The following CSNK1E variants were observed in gnomAD, a reference collection of about 807,000 sequenced individuals.
CSNK1E encodes casein kinase I isoform epsilon.
In CSNK1E, 17 loss-of-function variants were observed where a neutral mutation model predicts 46.1. The observed-to-expected ratio is 0.37, with a 90% CI of 0.25 to 0.55. CSNK1E has a LOEUF of 0.55. CSNK1E is among the 20% of genes least tolerant of loss of function. The pLI is 0.82. For missense variants in CSNK1E, 386 were observed against 595.4 expected, an observed-to-expected ratio of 0.65 and a Z score of 3.66; for synonymous variants, 241 against 242.6, an observed-to-expected ratio of 0.99 and a Z score of 0.06.
intron 2 of CSNK1E, among the ~76,000 whole-genome samples, chr22:38,305,463 CA>C (rs3041808): frequency 1.4e-4 from 3 of 21,424 alleles, no homozygotes; most frequent in Admixed American, 5.2e-4. Flanking sequence ...CCTTCCTCTC[CA>C]AAAAAAAAAG....
chr22:38,298,342 G>C lies in CSNK1E; in HGVS notation c.885+444C>G, dbSNP rs2092652220. 6 of 561,060 alleles carry C rather than the reference G, an allele frequency of 1.1e-5. No homozygotes were observed. Among genetic ancestry groups the C allele is most frequent in the Non-Finnish European group, 1.6e-5 (6 of 365,134 alleles). The allele number at this position is 561,060 out of a possible 1,614,324, so 34.8% of individuals were successfully genotyped here. A position where few individuals can be genotyped will look rare whatever the true frequency, so the allele number is the denominator to read the frequency against. On this transcript the variant is annotated intron_variant, in intron 7 of 10. Coordinates refer to ENST00000396832, the MANE Select transcript of CSNK1E (RefSeq NM_152221.3). The surrounding 1 kb of genome is among the most constrained non-coding windows in gnomAD (Gnocchi z 4.2). ...GGGAAACAGAACAACTGCCTAGCCA[G>C]ACCCAGGGGCCCATGACCAAGAAGA...
At position 38,297,584 on chromosome 22, in the gene CSNK1E, G is replaced by GA; in HGVS notation, c.885+1201dup. ...GCAGGGTGGCTGAGGGCCCTGCCAT[G>GA]AAAGAGGCACACCAGGATGAAGCAA... On this transcript the variant is annotated intron_variant, in intron 7 of 10. Transcript: ENST00000396832. 3.0e-6 allele frequency: 3 copies of GA among 1,000,168 alleles called. No individual in the cohort carries two copies. In the South Asian group the frequency reaches 1.3e-4, roughly 44 times the overall value. 62.0% of individuals were successfully genotyped at this position (1,000,168 alleles called of 1,614,324 possible). A position where few individuals can be genotyped will look rare whatever the true frequency, so the allele number is the denominator to read the frequency against.
At chr22:38,292,905 G>A (rs1010426953) in intron 10 of CSNK1E, 1 of 318,298 alleles carries the variant, frequency 3.1e-6, no homozygotes, top group African/African-American at 2.2e-5. Context: ...CAGGGCTAAT[G>A]CCGTGGGAGA....
Position 38,300,630 on chromosome 22 carries a change from G to A in CSNK1E, c.565+94C>T. ...CTTTCTCACTAGAAAAGAGCCTGGG[G>A]GCCTCCATCAGGGTAGGGGGTGAGA... On this transcript the variant is annotated intron_variant, in intron 5 of 10. Coordinates refer to ENST00000396832, the MANE Select transcript of CSNK1E (RefSeq NM_152221.3). This position sits in a 1 kb window ranked among gnomAD's most constrained non-coding sequence, Gnocchi z 4.4. The A allele has an allele frequency of 2.5e-6, 3 of 1,199,306 alleles. No homozygotes were observed. The highest frequency in any genetic ancestry group is 1.4e-5 in the South Asian group (1 of 71,136). 74.3% of individuals were successfully genotyped at this position (1,199,306 alleles called of 1,614,324 possible).
chr22:38,311,792 G>A (rs1005112948), intron 2 of CSNK1E, among the ~76,000 whole-genome samples: 18 of 151,030 alleles, frequency 1.2e-4, no homozygotes, highest in Non-Finnish European at 2.4e-4. Context: ...CCACATCTCA[G>A]CCCTTTTCTT....
At chr22:38,304,803 C>T (rs771802468) in intron 2 of CSNK1E, among the ~76,000 whole-genome samples, 3 of 152,152 alleles carry the variant, frequency 2.0e-5, no homozygotes, top group East Asian at 3.8e-4. Context: ...TACCGATACA[C>T]GCTACGACAC....
chr22:38,303,598 GGTCT>G lies in CSNK1E; in HGVS notation c.77-354_77-351del, dbSNP rs1390201051. On this transcript the variant is annotated intron_variant, in intron 2 of 10. Transcript: ENST00000396832. The surrounding 1 kb of genome is among the most constrained non-coding windows in gnomAD (Gnocchi z 4.7). ...GTCCTAGAGCAAATTCAGGCAGTGA[GGTCT>G]GTCGGGTTGAGATGGTGGCACGTGC... is the stretch of plus-strand genomic sequence containing the variant. 2.0e-5 allele frequency among the ~76,000 whole-genome samples: 3 copies of G among 152,220 alleles called. No individual in the cohort carries two copies. The highest frequency in any genetic ancestry group is 7.2e-5 in the African/African-American group (3 of 41,444).
intron 10 of CSNK1E, chr22:38,292,891 G>T: frequency 7.2e-6 from 2 of 279,246 alleles, no homozygotes; most frequent in South Asian, 7.5e-5. Context: ...CCCAGAGGCT[G>T]AGACAGGGCT....
At chr22:38,304,759 G>T (rs2092690317) in intron 2 of CSNK1E, among the ~76,000 whole-genome samples, 1 of 152,154 alleles carries the variant, frequency 6.6e-6, no homozygotes, top group Non-Finnish European at 1.5e-5. Context: ...CCTCCATGCG[G>T]CGGAATATTA....
intron 2 of CSNK1E, among the ~76,000 whole-genome samples, chr22:38,305,377 T>C (rs2092693804): frequency 6.6e-6 from 1 of 150,674 alleles, no homozygotes; most frequent in Non-Finnish European, 1.5e-5. Flanking sequence ...CCTTATAGCC[T>C]TGGGGTTAGG....
chr22:38,316,167 T>C (rs1166278322), intron 1 of CSNK1E, among the ~76,000 whole-genome samples: 2 of 151,952 alleles, frequency 1.3e-5, no homozygotes, highest in African/African-American at 4.8e-5. Flanking sequence ...TTTCAGCAGG[T>C]TAAAAAAATT....
rs2092627850 is a variant in CSNK1E at position 38,294,282 on chromosome 22, G to A, written c.1079-34C>T. The A allele has an allele frequency of 6.2e-7, 1 of 1,604,282 alleles. No individual in the cohort carries two copies. The highest frequency in any genetic ancestry group is 1.3e-5 in the African/African-American group (1 of 74,820). On this transcript the variant is annotated intron_variant, in intron 8 of 10. Transcript: ENST00000396832. This position sits in a 1 kb window ranked among gnomAD's most constrained non-coding sequence, Gnocchi z 5.5. ...AGAGTGGGAAGCCACCCTCAGAGTAGGCACAAACAGAGCCCCCCACCCACC... is the reference window on the plus strand; with the variant it reads ...AGAGTGGGAAGCCACCCTCAGAGTAAGCACAAACAGAGCCCCCCACCCACC...
intron 10 of CSNK1E, 35 bp downstream of exon 10, chr22:38,293,220 T>C (rs1483363848): frequency 1.1e-5 from 18 of 1,577,672 alleles, no homozygotes; most frequent in Non-Finnish European, 1.6e-5. Flanking sequence ...CTAGGTCGGC[T>C]GGGCTGGCTG....
At chr22:38,295,098 C>A (rs938650051) in intron 7 of CSNK1E, among the ~76,000 whole-genome samples, 1 of 152,146 alleles carries the variant, frequency 6.6e-6, no homozygotes, top group Non-Finnish European at 1.5e-5. Context: ...TTCCCCCTGC[C>A]GGGACCTGGC....
At position 38,296,475 on chromosome 22, in the gene CSNK1E, A is replaced by T. The variant is rs535391895; in HGVS notation, c.886-1941T>A. On this transcript the variant is annotated intron_variant, in intron 7 of 10. Coordinates refer to ENST00000396832, the MANE Select transcript of CSNK1E (RefSeq NM_152221.3). ...ATGGGAAGGGCCTGGCCTCAGGGTG[A>T]AGGTTCCCATTGCATGTTTTCCAGG... The T allele has an allele frequency of 1.9e-4, 301 of 1,552,610 alleles. 2 individuals are homozygous for T. Among genetic ancestry groups the T allele is most frequent in the South Asian group, 2.7e-4 (22 of 80,994 alleles).
At chr22:38,296,746 C>T (rs1794717514) in intron 7 of CSNK1E, 3 of 1,572,446 alleles carry the variant, frequency 1.9e-6, no homozygotes, top group Non-Finnish European at 1.7e-6. Context: ...AAGGGAGGAA[C>T]CTAGAGCAGT....
At chr22:38,297,671 T>C in intron 7 of CSNK1E, 1 of 993,826 alleles carries the variant, frequency 1.0e-6, no homozygotes, top group Non-Finnish European at 1.2e-6. Flanking sequence ...TAGCTATGAG[T>C]CTGTCCTGGG....
intron 2 of CSNK1E, 108 bp downstream of exon 2, chr22:38,313,974 G>T: frequency 9.7e-7 from 1 of 1,031,342 alleles, no homozygotes; most frequent in Non-Finnish European, 1.5e-6. Flanking sequence ...GGCAAATCAT[G>T]CCCCTGGAGC....
At chr22:38,311,838 T>C (rs911745774) in intron 2 of CSNK1E, among the ~76,000 whole-genome samples, 9 of 150,970 alleles carry the variant, frequency 6.0e-5, no homozygotes, top group Admixed American at 2.0e-4. Flanking sequence ...GGAGTCTTGC[T>C]TTGTCGCCCA....
Sources: gnomAD v4.1 joint callset for allele counts (sites outside exome capture counted in the v4.1 genomes callset) on GRCh38, gnomAD v4.1.1 for gene constraint, Gnocchi (gnomAD v3.1) non-coding constraint, MANE v1.5 for transcripts, NCBI Gene and HGNC (gene_info 2026-07-23, HGNC 2026-07-21) for gene names.